Variants in STK10 observed in about 807,000 individuals in gnomAD.
STK10 encodes the protein serine/threonine-protein kinase 10.
STK10 carries 78 observed loss-of-function variants against 113.8 expected under a neutral mutation model. The observed-to-expected ratio is 0.69, with a 90% CI of 0.57 to 0.83. The LOEUF is 0.83. STK10 is among the 40% of genes least tolerant of loss of function. The pLI is 0.00. For synonymous variants in STK10, 465 were observed against 494.7 expected, an observed-to-expected ratio of 0.94 and a Z score of 0.80; for missense variants, 1,109 against 1,280.1, an observed-to-expected ratio of 0.87 and a Z score of 2.04.
In STK10 at chr5:172,188,100, G is replaced by C; in HGVS notation, c.-58C>G. 7.6e-6 allele frequency: 12 copies of C among 1,575,108 alleles called. No individual in the cohort carries two copies. Among genetic ancestry groups the C allele is most frequent in the South Asian group, 1.1e-5 (1 of 87,472 alleles). On this transcript the variant is annotated 5_prime_UTR_variant, in exon 1 of 19. Transcript: ENST00000176763. The surrounding 1 kb of genome is among the most constrained non-coding windows in gnomAD (Gnocchi z 5.6). ...GGGCTCGGGCTCGGGCTGTGGCTTC[G>C]GCGGCCGCGAGGAGAAGGAGGAGGA...
Position 172,082,278 on chromosome 5 carries a change from G to A in STK10, c.1989+48C>T, listed in dbSNP as rs781248050. 11 of 1,444,174 alleles carry A rather than the reference G, an allele frequency of 7.6e-6. No individual in the cohort carries two copies. Among genetic ancestry groups the A allele is most frequent in the Admixed American group, 2.6e-5 (1 of 37,814 alleles). The allele number at this position is 1,444,174 out of a possible 1,614,324, so 89.5% of individuals were successfully genotyped here. A position where few individuals can be genotyped will look rare whatever the true frequency, so the allele number is the denominator to read the frequency against. Reference sequence around the variant, plus strand: ...GCCACGATCACTTGCAACCAAGAAGGCCCCTAATACTCCGAGATGCCCCTG... The same window carrying A: ...GCCACGATCACTTGCAACCAAGAAGACCCCTAATACTCCGAGATGCCCCTG... On this transcript the variant is annotated intron_variant, in intron 12 of 18. Coordinates refer to ENST00000176763, the MANE Select transcript of STK10 (RefSeq NM_005990.4). This position sits in a 1 kb window ranked among gnomAD's most constrained non-coding sequence, Gnocchi z 4.3.
chr5:172,106,039 C>A (rs1462570983), intron 6 of STK10, among the ~76,000 whole-genome samples: 1 of 152,132 alleles, frequency 6.6e-6, no homozygotes, highest in Non-Finnish European at 1.5e-5. Flanking sequence ...GTGGCTCCTG[C>A]GGCTCAGCTG....
intron 1 of STK10, among the ~76,000 whole-genome samples, chr5:172,165,919 G>A (rs887767421): frequency 2.4e-4 from 36 of 151,902 alleles, no homozygotes; most frequent in Middle Eastern, 3.4e-3. Flanking sequence ...TCAGCCTCCC[G>A]AGTAGCTGGG....
chr5:172,042,566 T>G lies in STK10; in HGVS notation c.*2316A>C, dbSNP rs1369060829. The G allele has an allele frequency of 6.6e-6, 1 of 152,320 alleles. No homozygotes were observed. Among genetic ancestry groups the G allele is most frequent in the Non-Finnish European group, 1.5e-5 (1 of 68,060 alleles). 9.4% of individuals were successfully genotyped at this position (152,320 alleles called of 1,614,324 possible). ...CACGCCAGGCTACACATGGAAATAC[T>G]GTAAGCAAAGCCCAAAGCAGCCCTG... On this transcript the variant is annotated 3_prime_UTR_variant, in exon 19 of 19. Coordinates refer to ENST00000176763, the MANE Select transcript of STK10 (RefSeq NM_005990.4).
At chr5:172,089,773 A>C (rs1186298040) in intron 10 of STK10, among the ~76,000 whole-genome samples, 1 of 151,848 alleles carries the variant, frequency 6.6e-6, no homozygotes, top group Non-Finnish European at 1.5e-5. Context: ...GGATGAATGG[A>C]TGGGTGAATG....
At chr5:172,169,138 T>C (rs1351300415) in intron 1 of STK10, among the ~76,000 whole-genome samples, 2 of 152,136 alleles carry the variant, frequency 1.3e-5, no homozygotes, top group Non-Finnish European at 2.9e-5. Flanking sequence ...GCCTAGCTCA[T>C]GACATCTTCC....
chr5:172,108,183 A>T (rs1006857035), intron 4 of STK10: 7 of 192,510 alleles, frequency 3.6e-5, no homozygotes, highest in Non-Finnish European at 6.4e-5. Context: ...TCTTAAATTT[A>T]AAAAAATGCA....
rs34136706 is a variant in STK10, at chr5:172,137,891, C to CAA, written c.322-10472_322-10471dup. Reference sequence around the variant, plus strand: ...TGGACGACAGAGCGAGACTCTGTCTCAAAAAAAAAAAAAAAAAGGCCATAT... The same window carrying CAA: ...TGGACGACAGAGCGAGACTCTGTCTCAAAAAAAAAAAAAAAAAAAGGCCATAT... On this transcript the variant is annotated intron_variant, in intron 2 of 18. Transcript: ENST00000176763. Among the ~76,000 whole-genome samples, 454 of 78,402 alleles carry CAA rather than the reference C, an allele frequency of 5.8e-3. 10 individuals are homozygous for CAA. The highest frequency in any genetic ancestry group is 0.021 in the African/African-American group (430 of 20,212). The allele number at this position is 78,402 out of a possible 152,430, so 51.4% of individuals were successfully genotyped here. A position where few individuals can be genotyped will look rare whatever the true frequency, so the allele number is the denominator to read the frequency against.
intron 12 of STK10, among the ~76,000 whole-genome samples, chr5:172,068,355 T>C (rs745845247): frequency 6.7e-6 from 1 of 149,294 alleles, no homozygotes; most frequent in Non-Finnish European, 1.5e-5. Context: ...AAAAAAGTGC[T>C]GAGATAGGTA....
intron 1 of STK10, among the ~76,000 whole-genome samples, chr5:172,181,355 T>A (rs1386816754): frequency 6.6e-6 from 1 of 152,212 alleles, no homozygotes; most frequent in African/African-American, 2.4e-5. Flanking sequence ...ATTCTTCCCA[T>A]AAGGCCTCTG....
chr5:172,122,510 C>A (rs1369261514), intron 3 of STK10, among the ~76,000 whole-genome samples: 1 of 152,200 alleles, frequency 6.6e-6, no homozygotes, highest in Non-Finnish European at 1.5e-5. Flanking sequence ...TGCATGAATA[C>A]CTTCTCCTTA....
intron 18 of STK10, among the ~76,000 whole-genome samples, chr5:172,048,913 G>C (rs150865198): frequency 6.6e-6 from 1 of 151,576 alleles, no homozygotes; most frequent in African/African-American, 2.4e-5. Context: ...CTTGTTTCAC[G>C]AGCAAGGTGT....
Position 172,181,635 on chromosome 5 carries a change from C to G in STK10, c.156+6252G>C, listed in dbSNP as rs896116953. ...AGTAGCTGGGATTACAGGCGCCCAC[C>G]ACCATGCCAGGCTAGTTTTTGTATT... On this transcript the variant is annotated intron_variant, in intron 1 of 18. Transcript: ENST00000176763. 5.3e-5 allele frequency among the ~76,000 whole-genome samples: 8 copies of G among 151,788 alleles called. No homozygotes were observed. In the South Asian group the frequency reaches 1.7e-3, roughly 32 times the overall value.
chr5:172,178,410 C>T (rs1023965639), intron 1 of STK10, among the ~76,000 whole-genome samples: 2 of 152,174 alleles, frequency 1.3e-5, no homozygotes, highest in Admixed American at 6.5e-5. Context: ...GAAGCTTCCC[C>T]GCTCTCGGCT....
intron 2 of STK10, among the ~76,000 whole-genome samples, chr5:172,137,258 T>C (rs934990573): frequency 1.3e-5 from 2 of 152,098 alleles, no homozygotes; most frequent in African/African-American, 4.8e-5. Context: ...CTATTCAAGA[T>C]AAAGTCACTC....
intron 1 of STK10, among the ~76,000 whole-genome samples, chr5:172,170,536 G>A (rs1770649883): frequency 2.0e-5 from 3 of 152,170 alleles, no homozygotes; most frequent in Admixed American, 6.5e-5. Flanking sequence ...TTTCAAAGAC[G>A]TGCCTTGAAC....
At chr5:172,055,847 G>T in intron 15 of STK10, 71 bp from the exon 16 acceptor site, 1 of 1,314,484 alleles carries the variant, frequency 7.6e-7, no homozygotes, top group South Asian at 2.3e-5. Flanking sequence ...CAGGCTAAAG[G>T]TCCCCACACT....
intron 12 of STK10, among the ~76,000 whole-genome samples, chr5:172,066,792 CAA>C (rs1768083186): frequency 6.6e-6 from 1 of 152,134 alleles, no homozygotes; most frequent in Non-Finnish European, 1.5e-5. Context: ...GTCTCAAAAA[CAA>C]AGAGAAGAGC....
At chr5:172,056,803 G>A (rs1406008641) in intron 15 of STK10, among the ~76,000 whole-genome samples, 2 of 151,548 alleles carry the variant, frequency 1.3e-5, no homozygotes, top group African/African-American at 2.4e-5. Context: ...GAACCCAGGA[G>A]GTGGAGGTTG....
Sources: allele counts gnomAD v4.1 joint callset (sites outside exome capture counted in the v4.1 genomes callset), GRCh38; gene constraint gnomAD v4.1.1; non-coding constraint Gnocchi (gnomAD v3.1); transcripts MANE v1.5; gene names NCBI Gene and HGNC (gene_info 2026-07-23, HGNC 2026-07-21).